The following FAM241A variants were observed in gnomAD, a reference collection of about 807,000 sequenced individuals.
FAM241A encodes uncharacterized protein FAM241A.
A neutral mutation model predicts 12.2 loss-of-function variants in FAM241A; 7 were observed. That is an observed-to-expected ratio of 0.58 (90% CI 0.33 to 1.08). The LOEUF (loss-of-function observed/expected upper bound fraction) is 1.08. Ranked by LOEUF, FAM241A falls within the 50% of genes least tolerant of loss-of-function variation. The pLI is 0.04. For synonymous variants in FAM241A, 74 were observed against 68.2 expected, an observed-to-expected ratio of 1.08 and a Z score of -0.42; for missense variants, 161 against 169.7, an observed-to-expected ratio of 0.95 and a Z score of 0.29.
intron 1 of FAM241A, among the ~76,000 whole-genome samples, chr4:112,164,083 G>T (rs748387680): frequency 6.6e-6 from 1 of 151,498 alleles, no homozygotes; most frequent in Non-Finnish European, 1.5e-5. Context: ...TTGGACACAG[G>T]GTGGGGAACA....
chr4:112,179,459 C>CA (rs1034258195), intron 1 of FAM241A, among the ~76,000 whole-genome samples: 13 of 150,876 alleles, frequency 8.6e-5, no homozygotes, highest in African/African-American at 2.9e-4. Context: ...ATCGCAAGGA[C>CA]AAAAAACCAA....
chr4:112,155,066 G>A (rs1723325588), intron 1 of FAM241A, among the ~76,000 whole-genome samples: 1 of 152,060 alleles, frequency 6.6e-6, no homozygotes, highest in South Asian at 2.1e-4. Context: ...AAAAAAAGAG[G>A]CTTGAGTTAG....
At chr4:112,162,577 A>G (rs1277267405) in intron 1 of FAM241A, among the ~76,000 whole-genome samples, 1 of 152,212 alleles carries the variant, frequency 6.6e-6, no homozygotes. Flanking sequence ...CAAAGAGAAT[A>G]AAATACCTAG....
At chr4:112,157,082 A>C (rs1460394908) in intron 1 of FAM241A, among the ~76,000 whole-genome samples, 1 of 152,180 alleles carries the variant, frequency 6.6e-6, no homozygotes, top group Non-Finnish European at 1.5e-5. Context: ...AGGTAAAATT[A>C]TGGTTCTCAT....
chr4:112,145,799 G>T (rs1328720065), intron 1 of FAM241A, 66 bp downstream of exon 1: 2 of 1,028,120 alleles, frequency 1.9e-6, no homozygotes, highest in African/African-American at 3.4e-5. Context: ...CCCGGCGTTG[G>T]AGGGAAGGGG....
At chr4:112,153,809 T>G (rs914608193) in intron 1 of FAM241A, among the ~76,000 whole-genome samples, 13 of 152,354 alleles carry the variant, frequency 8.5e-5, no homozygotes, top group African/African-American at 2.4e-4. Flanking sequence ...ATGGTACAAA[T>G]GTTTTTAACT....
rs146247315 is a variant in FAM241A at position 112,158,825 on chromosome 4, T to C, written c.153+13092T>C. 4.2e-3 allele frequency among the ~76,000 whole-genome samples: 646 copies of C among 152,334 alleles called. 7 individuals are homozygous for C. The highest frequency in any genetic ancestry group is 0.015 in the African/African-American group (620 of 41,590). ...TATCCATCACCTCAAACATTTATTA[T>C]TTCTTTGTGTTGGGAACATTCAAAT... On this transcript the variant is annotated intron_variant, in intron 1 of 1. Transcript: ENST00000309733.
intron 1 of FAM241A, among the ~76,000 whole-genome samples, chr4:112,158,589 T>C (rs1723398816): frequency 6.6e-6 from 1 of 152,108 alleles, no homozygotes; most frequent in African/African-American, 2.4e-5. Flanking sequence ...TGAACAAGTC[T>C]ATCAGCGAAC....
intron 1 of FAM241A, among the ~76,000 whole-genome samples, chr4:112,182,882 A>T (rs1452714237): frequency 6.6e-6 from 1 of 152,050 alleles, no homozygotes; most frequent in Admixed American, 6.6e-5. Flanking sequence ...GATATCCTAG[A>T]TACATAAAAT....
intron 1 of FAM241A, among the ~76,000 whole-genome samples, chr4:112,161,812 G>A (rs1723476806): frequency 6.6e-6 from 1 of 152,094 alleles, no homozygotes; most frequent in Non-Finnish European, 1.5e-5. Context: ...CATTTTATGA[G>A]GCCAGCATCA....
At chr4:112,179,931 A>ATATATATATATATATG in intron 1 of FAM241A, among the ~76,000 whole-genome samples, 1 of 127,748 alleles carries the variant, frequency 7.8e-6, no homozygotes, top group South Asian at 2.3e-4. Flanking sequence ...ATATATATAT[A>ATATATATATATATATG]TATATATGTA....
chr4:112,157,075 T>C (rs1180996124), intron 1 of FAM241A, among the ~76,000 whole-genome samples: 2 of 152,080 alleles, frequency 1.3e-5, no homozygotes, highest in Non-Finnish European at 2.9e-5. Flanking sequence ...TCCAAAAAGG[T>C]AAAATTATGG....
At position 112,186,697 on chromosome 4, in the gene FAM241A, T is replaced by C. The variant is rs1279866285; in HGVS notation, c.158T>C (p.Val53Ala). Residue 53 changes from valine (V) to alanine (A), a missense_variant, in exon 2 of 2, where the codon GTT becomes GCT. Val to Ala is a moderately conservative substitution (Grantham distance 64). Coordinates refer to ENST00000309733, the MANE Select transcript of FAM241A (RefSeq NM_152400.3). ...GQRPKESEQDVEDSQNHTGEP... is the reference protein window; with the variant it reads ...GQRPKESEQDAEDSQNHTGEP... ...TCTTTTTTTTTTTTTTTAAAGGATG[T>C]TGAAGACTCACAGAACCACACTGGT... is the stretch of plus-strand genomic sequence containing the variant. 1 of 1,608,946 alleles carries C rather than the reference T, an allele frequency of 6.2e-7. No homozygotes were observed. Among genetic ancestry groups the C allele is most frequent in the African/African-American group, 1.3e-5 (1 of 74,666 alleles).
chr4:112,164,157 T>C (rs1019415840), intron 1 of FAM241A, among the ~76,000 whole-genome samples: 5 of 150,078 alleles, frequency 3.3e-5, no homozygotes, highest in Non-Finnish European at 7.4e-5. Context: ...GGGATATACC[T>C]AATGTAAATG....
intron 1 of FAM241A, 130 bp from the exon 2 acceptor site, chr4:112,186,563 A>G: frequency 1.3e-6 from 1 of 789,788 alleles, no homozygotes. Flanking sequence ...CCATTGTGTT[A>G]ACAGGTACTT....
intron 1 of FAM241A, among the ~76,000 whole-genome samples, chr4:112,158,533 C>T (rs1300122248): frequency 6.6e-6 from 1 of 152,032 alleles, no homozygotes; most frequent in Non-Finnish European, 1.5e-5. Context: ...CATTTCATTT[C>T]TCATTAATCT....
At position 112,191,943 on chromosome 4, in the gene FAM241A, C is replaced by A. The variant is rs1190987015; in HGVS notation, c.*5005C>A. The stretch of plus-strand genomic sequence containing the variant: ...ACACAATGCCTGGGACATAATAGGC[C>A]ATCAAAATATTTATCAAGTAAACCC... On this transcript the variant is annotated 3_prime_UTR_variant, in exon 2 of 2. Coordinates refer to ENST00000309733, the MANE Select transcript of FAM241A (RefSeq NM_152400.3). 1 of 152,078 alleles carries A rather than the reference C, an allele frequency of 6.6e-6. No individual in the cohort carries two copies. Among genetic ancestry groups the A allele is most frequent in the African/African-American group, 2.4e-5 (1 of 41,374 alleles). The allele number at this position is 152,078 out of a possible 1,614,324, so 9.4% of individuals were successfully genotyped here.
At chr4:112,145,801 G>T in intron 1 of FAM241A, 68 bp downstream of exon 1, 1 of 1,024,224 alleles carries the variant, frequency 9.8e-7, no homozygotes, top group South Asian at 4.7e-5. Context: ...CGGCGTTGGA[G>T]GGAAGGGGCC....
At chr4:112,154,605 T>C (rs1723314626) in intron 1 of FAM241A, among the ~76,000 whole-genome samples, 1 of 152,196 alleles carries the variant, frequency 6.6e-6, no homozygotes, top group African/African-American at 2.4e-5. Context: ...CATCTTGTAG[T>C]AGCATCTAGC....
Sources: allele counts gnomAD v4.1 joint callset (sites outside exome capture counted in the v4.1 genomes callset), GRCh38; gene constraint gnomAD v4.1.1; transcripts MANE v1.5; gene names NCBI Gene and HGNC (gene_info 2026-07-23, HGNC 2026-07-21).